APBA2: variants seen among roughly 807,000 people sequenced by gnomAD.
APBA2 encodes amyloid beta precursor protein binding family A member 2.
In APBA2, 30 loss-of-function variants were observed where a neutral mutation model predicts 75.0. The observed-to-expected ratio is 0.40, with a 90% CI of 0.30 to 0.54. APBA2 has a LOEUF of 0.54. Ranked by LOEUF, APBA2 falls within the 20% of genes least tolerant of loss-of-function variation. The pLI, the probability that APBA2 is intolerant of heterozygous loss-of-function variation, is 0.49. For missense variants in APBA2, 801 were observed against 1,016.1 expected, an observed-to-expected ratio of 0.79 and a Z score of 2.88; for synonymous variants, 444 against 409.6, an observed-to-expected ratio of 1.08 and a Z score of -1.01.
chr15:29,048,352 GA>G (rs777062710), intron 3 of APBA2, among the ~76,000 whole-genome samples: 10 of 150,684 alleles, frequency 6.6e-5, no homozygotes, highest in African/African-American at 1.2e-4. Context: ...TGTCTCAAAA[GA>G]AAAAAAAATT....
chr15:29,069,114 A>G lies in APBA2; in HGVS notation c.952-5807A>G, dbSNP rs2042507206. On this transcript the variant is annotated intron_variant, in intron 4 of 14. Transcript: ENST00000683413. ...TTCCATAAAGATAGGATCAGACAAT[A>G]TGTGCCCTTTAGTGTCTGGCTTATT... Among the ~76,000 whole-genome samples, 3 of 152,334 alleles carry G rather than the reference A, an allele frequency of 2.0e-5. 1 individual carries two copies. Among genetic ancestry groups the G allele is most frequent in the Middle Eastern group, 6.8e-3 (2 of 292 alleles).
chr15:28,970,928 C>T (rs2037033480), intron 2 of APBA2, among the ~76,000 whole-genome samples: 1 of 152,114 alleles, frequency 6.6e-6, no homozygotes, highest in Non-Finnish European at 1.5e-5. Context: ...ACCACCGGGT[C>T]CCCTTGGAGT....
intron 3 of APBA2, among the ~76,000 whole-genome samples, chr15:29,013,837 G>A (rs1224095925): frequency 6.6e-6 from 1 of 152,210 alleles, no homozygotes; most frequent in Non-Finnish European, 1.5e-5. Context: ...CTCCCTATAT[G>A]GTTAATAATG....
intron 3 of APBA2, among the ~76,000 whole-genome samples, chr15:29,009,800 C>A (rs1347279847): frequency 2.0e-5 from 3 of 152,126 alleles, no homozygotes; most frequent in East Asian, 3.9e-4. Flanking sequence ...ACAAATAATT[C>A]ATCCATTCTA....
At chr15:28,940,860 G>A (rs992177092) in intron 2 of APBA2, among the ~76,000 whole-genome samples, 2 of 152,326 alleles carry the variant, frequency 1.3e-5, no homozygotes, top group East Asian at 3.9e-4. Context: ...ATGTGATTCT[G>A]CTGAGAGAGA....
intron 1 of APBA2, among the ~76,000 whole-genome samples, chr15:28,899,708 CT>C (rs2032733279): frequency 6.6e-6 from 1 of 152,168 alleles, no homozygotes; most frequent in Non-Finnish European, 1.5e-5. Flanking sequence ...TGCAAGCGTG[CT>C]ATCTGCGGGC....
chr15:29,056,636 C>CCT lies in APBA2; in HGVS notation c.951+1828_951+1829dup, dbSNP rs147310000. ...TCCTTCTCTCCCTCCCTCCCTCCCTCCTCTCTCTCTCTCTCTCTCTCTCTC... is the reference window on the plus strand; with the variant it reads ...TCCTTCTCTCCCTCCCTCCCTCCCTCCTCTCTCTCTCTCTCTCTCTCTCTCTC... On this transcript the variant is annotated intron_variant, in intron 4 of 14. Transcript: ENST00000683413. Among the ~76,000 whole-genome samples the CCT allele has an allele frequency of 9.0e-3, 862 of 96,234 alleles. 7 individuals carry two copies. The highest frequency in any genetic ancestry group is 0.014 in the African/African-American group (269 of 19,734). The allele number at this position is 96,234 out of a possible 152,430, so 63.1% of individuals were successfully genotyped here.
intron 1 of APBA2, among the ~76,000 whole-genome samples, chr15:28,893,514 A>G (rs972861911): frequency 6.6e-6 from 1 of 152,142 alleles, no homozygotes; most frequent in Non-Finnish European, 1.5e-5. Context: ...TGAGTGGGTC[A>G]CATTAATGGC....
At chr15:29,006,135 G>A in intron 3 of APBA2, among the ~76,000 whole-genome samples, 1 of 152,142 alleles carries the variant, frequency 6.6e-6, no homozygotes, top group Non-Finnish European at 1.5e-5. Flanking sequence ...GAAAGGAAGA[G>A]GTGAAATTTT....
chr15:28,997,816 A>G lies in APBA2; in HGVS notation c.-41+2010A>G, dbSNP rs1050666854. On this transcript the variant is annotated intron_variant, in intron 3 of 14. Coordinates refer to ENST00000683413, the MANE Select transcript of APBA2 (RefSeq NM_001353788.2). ...CCTGAAATACTATTAGACGATCAAA[A>G]TCAATTGCAATAGAGAAGGTGCTGG... 1.1e-4 allele frequency among the ~76,000 whole-genome samples: 16 copies of G among 152,182 alleles called. 1 individual carries two copies. The highest frequency in any genetic ancestry group is 3.9e-4 in the African/African-American group (16 of 41,442).
At chr15:28,901,336 C>T (rs769240709) in intron 1 of APBA2, among the ~76,000 whole-genome samples, 88 of 152,270 alleles carry the variant, frequency 5.8e-4, no homozygotes, top group Admixed American at 2.6e-3. Flanking sequence ...TGAGCCCCGC[C>T]CCACCCTCCC....
intron 2 of APBA2, among the ~76,000 whole-genome samples, chr15:28,951,881 C>CTTTTT (rs71414600): frequency 4.6e-5 from 5 of 109,824 alleles, no homozygotes; most frequent in Admixed American, 9.4e-5. Context: ...TGCACTCAGC[C>CTTTTT]TTTTTTTTTT....
intron 1 of APBA2, among the ~76,000 whole-genome samples, chr15:28,887,114 G>C (rs550584558): frequency 2.0e-5 from 3 of 152,228 alleles, no homozygotes; most frequent in Non-Finnish European, 4.4e-5. Flanking sequence ...GTATTTACTG[G>C]CAGAAGGAAG....
chr15:28,971,580 G>A (rs2037071739), intron 2 of APBA2, among the ~76,000 whole-genome samples: 1 of 152,200 alleles, frequency 6.6e-6, no homozygotes, highest in South Asian at 2.1e-4. Flanking sequence ...CTGCTCCTGG[G>A]AGATGTTTCC....
At position 29,096,150 on chromosome 15, in the gene APBA2, GC is replaced by G. The variant is rs146218587; in HGVS notation, c.1251+1839del. ...TGCTGAAGGTCCCTTTCCTGGCCCG[GC>G]CACAGCCATGGGGATGACTGCAGGT... is the stretch of plus-strand genomic sequence containing the variant. On this transcript the variant is annotated intron_variant, in intron 8 of 14. Transcript: ENST00000683413. 2.2e-4 allele frequency among the ~76,000 whole-genome samples: 33 copies of G among 152,342 alleles called. No individual in the cohort carries two copies. The East Asian group carries it at 6.2e-3, about 29-fold the overall frequency.
chr15:28,983,186 T>G (rs1440775956), intron 2 of APBA2, among the ~76,000 whole-genome samples: 1 of 152,162 alleles, frequency 6.6e-6, no homozygotes, highest in Non-Finnish European at 1.5e-5. Context: ...GTGTAAACAT[T>G]TCCCTCAACA....
chr15:29,096,479 C>T (rs535112361), intron 8 of APBA2, among the ~76,000 whole-genome samples: 172 of 152,334 alleles, frequency 1.1e-3, no homozygotes, highest in African/African-American at 3.9e-3. Flanking sequence ...TGAGCCACAA[C>T]CCATGAATAT....
chr15:29,116,972 CT>C (rs1176588395), intron 14 of APBA2, 89 bp from the exon 15 acceptor site: 1 of 1,386,700 alleles, frequency 7.2e-7, no homozygotes, highest in Non-Finnish European at 1.0e-6. Context: ...AAGCAGAACT[CT>C]GGGGGGTTTG....
At chr15:28,900,905 C>T (rs2032809833) in intron 1 of APBA2, among the ~76,000 whole-genome samples, 1 of 152,222 alleles carries the variant, frequency 6.6e-6, no homozygotes, top group East Asian at 1.9e-4. Context: ...CCCTTGTCCA[C>T]ATGCATGCGG....
Sources: allele counts gnomAD v4.1 joint callset (sites outside exome capture counted in the v4.1 genomes callset), GRCh38; gene constraint gnomAD v4.1.1; transcripts MANE v1.5; gene names NCBI Gene and HGNC (gene_info 2026-07-23, HGNC 2026-07-21).